ATRN: variants seen among roughly 807,000 people sequenced by gnomAD.
ATRN encodes the protein attractin-2.
In ATRN, 54 loss-of-function variants were observed where a neutral mutation model predicts 178.7. The observed-to-expected ratio is 0.30, with a 90% CI of 0.24 to 0.38. The LOEUF (loss-of-function observed/expected upper bound fraction) is 0.38, where lower values mean the gene tolerates loss of function less well. ATRN is among the 10% of genes least tolerant of loss of function. ATRN has a pLI of 1.00. For synonymous variants in ATRN, 636 were observed against 663.0 expected (o/e 0.96, Z 0.63); for missense variants, 1,443 against 1,815.1 (o/e 0.79, Z 3.73).
At chr20:3,608,817 A>G (rs1468352049) in intron 24 of ATRN, among the ~76,000 whole-genome samples, 1 of 152,140 alleles carries the variant, frequency 6.6e-6, no homozygotes, top group African/African-American at 2.4e-5. Context: ...AAATACAAAA[A>G]TTAGCCATGT....
intron 1 of ATRN, chr20:3,489,759 A>C (rs1382629659): frequency 1.4e-6 from 2 of 1,465,622 alleles, no homozygotes; most frequent in Admixed American, 1.7e-5. Context: ...CTATTCAGCA[A>C]AGTGTCACTG....
intron 1 of ATRN, among the ~76,000 whole-genome samples, chr20:3,505,823 G>A (rs1379818085): frequency 1.3e-5 from 2 of 152,186 alleles, no homozygotes; most frequent in African/African-American, 2.4e-5. Context: ...AGAAATGGCT[G>A]TATTAATATT....
At chr20:3,608,857 C>T (rs951122347) in intron 24 of ATRN, among the ~76,000 whole-genome samples, 1 of 151,610 alleles carries the variant, frequency 6.6e-6, no homozygotes, top group Admixed American at 6.6e-5. Context: ...ATCCCAGCTA[C>T]TTGGGAGGCT....
intron 25 of ATRN, among the ~76,000 whole-genome samples, 187 bp from the exon 26 acceptor site, chr20:3,634,124 A>T (rs1323512239): frequency 6.6e-6 from 1 of 152,230 alleles, no homozygotes; most frequent in Non-Finnish European, 1.5e-5. Context: ...CTGGTTAGGA[A>T]GCCTGGCTTA....
chr20:3,610,163 A>G, intron 24 of ATRN, among the ~76,000 whole-genome samples: 1 of 152,254 alleles, frequency 6.6e-6, no homozygotes, highest in East Asian at 1.9e-4. Context: ...TCACAGCAAG[A>G]TGTTTTTGTA....
At chr20:3,617,801 G>C (rs2086863741) in intron 24 of ATRN, among the ~76,000 whole-genome samples, 1 of 146,812 alleles carries the variant, frequency 6.8e-6, no homozygotes, top group South Asian at 2.2e-4. Context: ...GTGCACCCTG[G>C]AGCTGAAGTT....
chr20:3,575,514 T>G (rs1003381541), intron 12 of ATRN, among the ~76,000 whole-genome samples: 1 of 152,190 alleles, frequency 6.6e-6, no homozygotes, highest in Non-Finnish European at 1.5e-5. Flanking sequence ...TATTACTAGT[T>G]GATTTTTTTT....
At chr20:3,493,115 C>T (rs914262655) in intron 1 of ATRN, among the ~76,000 whole-genome samples, 5 of 59,184 alleles carry the variant, frequency 8.4e-5, no homozygotes, top group Non-Finnish European at 1.8e-4. Context: ...TATGTAGGTA[C>T]GTTTGTTTGT....
intron 19 of ATRN, chr20:3,592,380 A>G: frequency 1.1e-6 from 1 of 882,676 alleles, no homozygotes; most frequent in Middle Eastern, 5.8e-4. Flanking sequence ...AGCCTGGGCA[A>G]CAGAGTGAGA....
rs549126574 is a variant in ATRN, at chr20:3,549,372, A to T, written c.1112+34A>T. ...TTTTAAACATTTTTGCAAGAAGCTT[A>T]GTTTTTTATTTTGAAAATTTATAAA... is the stretch of plus-strand genomic sequence containing the variant. On this transcript the variant is annotated intron_variant, in intron 6 of 28. Coordinates refer to ENST00000262919, the MANE Select transcript of ATRN (RefSeq NM_139321.3). 5 of 1,474,766 alleles carry T rather than the reference A, an allele frequency of 3.4e-6. No homozygotes were observed. In the South Asian group the frequency reaches 5.7e-5, roughly 17 times the overall value. 91.4% of individuals were successfully genotyped at this position (1,474,766 alleles called of 1,614,324 possible).
At chr20:3,590,436 C>G (rs937960363) in intron 18 of ATRN, among the ~76,000 whole-genome samples, 9 of 152,142 alleles carry the variant, frequency 5.9e-5, no homozygotes, top group African/African-American at 2.2e-4. Context: ...CTATTCCCCC[C>G]TAGAGTTCTG....
intron 18 of ATRN, among the ~76,000 whole-genome samples, chr20:3,590,206 C>T (rs1158966883): frequency 6.6e-6 from 1 of 152,216 alleles, no homozygotes; most frequent in Admixed American, 6.5e-5. Flanking sequence ...CTACCTTGGC[C>T]TCCCAAAGTG....
chr20:3,495,739 T>C (rs561526889), intron 1 of ATRN, among the ~76,000 whole-genome samples: 3 of 151,846 alleles, frequency 2.0e-5, no homozygotes. Flanking sequence ...AGCTATGTAC[T>C]ACTGTGGGGG....
chr20:3,612,656 A>T (rs958908858), intron 24 of ATRN, among the ~76,000 whole-genome samples: 1 of 152,194 alleles, frequency 6.6e-6, no homozygotes, highest in African/African-American at 2.4e-5. Flanking sequence ...GATATAGATT[A>T]TATATATTTG....
At chr20:3,495,896 A>G (rs2084872376) in intron 1 of ATRN, among the ~76,000 whole-genome samples, 1 of 152,146 alleles carries the variant, frequency 6.6e-6, no homozygotes. Context: ...ATGGAATGAT[A>G]AACCAAAAAC....
intron 1 of ATRN, among the ~76,000 whole-genome samples, chr20:3,482,034 G>GTATA (rs2084629266): frequency 6.6e-6 from 1 of 151,508 alleles, no homozygotes; most frequent in Non-Finnish European, 1.5e-5. Flanking sequence ...TCACAAAAAT[G>GTATA]TATAATCTTA....
chr20:3,570,776 A>G (rs2086110440), intron 11 of ATRN, among the ~76,000 whole-genome samples: 1 of 152,206 alleles, frequency 6.6e-6, no homozygotes, highest in Non-Finnish European at 1.5e-5. Flanking sequence ...TTTTCTCTAA[A>G]AAGTTCTAGT....
intron 15 of ATRN, 82 bp from the exon 16 acceptor site, chr20:3,582,053 A>C: frequency 7.8e-7 from 1 of 1,287,188 alleles, no homozygotes; most frequent in Non-Finnish European, 1.1e-6. Flanking sequence ...TAGCCAGGGC[A>C]ACATGGCAAG....
Position 3,648,659 on chromosome 20 carries a change from A to G in ATRN, c.*1812A>G, listed in dbSNP as rs2087124675. On this transcript the variant is annotated 3_prime_UTR_variant, in exon 29 of 29. Coordinates refer to ENST00000262919, the MANE Select transcript of ATRN (RefSeq NM_139321.3). The stretch of plus-strand genomic sequence containing the variant: ...CAAGGAATTTGAACCATAAAACACT[A>G]TCTGATGCACAGAACACCTCTACTT... 1 of 152,228 alleles carries G rather than the reference A, an allele frequency of 6.6e-6. No individual in the cohort carries two copies. The allele number at this position is 152,228 out of a possible 1,614,324, so 9.4% of individuals were successfully genotyped here.
Sources: allele counts gnomAD v4.1 joint callset (sites outside exome capture counted in the v4.1 genomes callset), GRCh38; gene constraint gnomAD v4.1.1; transcripts MANE v1.5; gene names NCBI Gene and HGNC (gene_info 2026-07-23, HGNC 2026-07-21).